PLXNA1: variants seen among roughly 807,000 people sequenced by gnomAD.
PLXNA1 encodes the protein plexin-A1.
In PLXNA1, 77 loss-of-function variants were observed where a neutral mutation model predicts 191.7. The observed-to-expected ratio is 0.40, with a 90% CI of 0.33 to 0.49. The LOEUF is 0.49. PLXNA1 is among the 20% of genes least tolerant of loss of function. PLXNA1 has a pLI of 0.63. For missense variants in PLXNA1, 2,110 were observed against 2,660.2 expected (o/e 0.79, Z 4.55); for synonymous variants, 1,137 against 1,156.4 (o/e 0.98, Z 0.34).
chr3:127,033,458 C>T lies in PLXNA1; in HGVS notation c.5596-464C>T, dbSNP rs986099598. On this transcript the variant is annotated intron_variant, in intron 31 of 31. Coordinates refer to ENST00000393409, the MANE Select transcript of PLXNA1 (RefSeq NM_032242.4). ...AGGCAAGGAACCTTCCCCAGGGTGC[C>T]ACAGGAGGCAGACAGGAGGCAGAGG... 3.3e-5 allele frequency among the ~76,000 whole-genome samples: 5 copies of T among 152,126 alleles called. No homozygotes were observed. The East Asian group carries it at 9.7e-4, about 29-fold the overall frequency.
intron 2 of PLXNA1, 134 bp downstream of exon 2, chr3:126,989,921 C>T (rs373033445): frequency 1.6e-5 from 12 of 765,008 alleles, no homozygotes; most frequent in Admixed American, 5.5e-5. Flanking sequence ...CCCCATGGCT[C>T]AGCTAGGTGG....
intron 3 of PLXNA1, among the ~76,000 whole-genome samples, chr3:126,998,731 G>T (rs1426370166): frequency 6.6e-6 from 1 of 152,222 alleles, no homozygotes; most frequent in Non-Finnish European, 1.5e-5. Context: ...CCTTGCTGAG[G>T]GGTTGCTGCT....
At chr3:126,986,755 C>T (rs917054212) in intron 1 of PLXNA1, among the ~76,000 whole-genome samples, 22 of 152,026 alleles carry the variant, frequency 1.4e-4, no homozygotes, top group African/African-American at 3.9e-4. Flanking sequence ...CTGAGCAGGG[C>T]GGGGAGTGGA....
chr3:127,029,846 C>A, intron 27 of PLXNA1, 28 bp from the exon 28 acceptor site: 2 of 1,567,584 alleles, frequency 1.3e-6, no homozygotes, highest in South Asian at 1.1e-5. Flanking sequence ...TGCCAGCCAA[C>A]GCGGGCGCTG....
chr3:127,001,046 T>C (rs1389525598), intron 3 of PLXNA1, among the ~76,000 whole-genome samples: 2 of 152,092 alleles, frequency 1.3e-5, no homozygotes, highest in African/African-American at 2.4e-5. Flanking sequence ...CGGCTGCAGC[T>C]GTCAGAGCCA....
chr3:126,992,503 C>T (rs2078995662), intron 3 of PLXNA1, among the ~76,000 whole-genome samples: 1 of 152,142 alleles, frequency 6.6e-6, no homozygotes, highest in Non-Finnish European at 1.5e-5. Flanking sequence ...CCCATCTCTG[C>T]CATGGTAGTT....
At chr3:127,008,585 C>T (rs1008503816) in intron 9 of PLXNA1, among the ~76,000 whole-genome samples, 3 of 152,164 alleles carry the variant, frequency 2.0e-5, no homozygotes, top group Admixed American at 6.5e-5. Flanking sequence ...GCCCCCACCC[C>T]CATCCCCACC....
intron 1 of PLXNA1, among the ~76,000 whole-genome samples, chr3:126,984,395 C>A (rs1022711865): frequency 2.5e-4 from 38 of 152,234 alleles, no homozygotes; most frequent in African/African-American, 8.7e-4. Flanking sequence ...TCACACGTAG[C>A]CGGTTTGGGG....
intron 3 of PLXNA1, among the ~76,000 whole-genome samples, chr3:127,001,643 G>A (rs1336106715): frequency 6.6e-6 from 1 of 152,260 alleles, no homozygotes; most frequent in African/African-American, 2.4e-5. Flanking sequence ...CCCAGTCTGT[G>A]TCCTGCCCTC....
At chr3:126,983,625 C>T (rs1216493965) in intron 1 of PLXNA1, among the ~76,000 whole-genome samples, 1 of 148,440 alleles carries the variant, frequency 6.7e-6, no homozygotes, top group Non-Finnish European at 1.5e-5. Context: ...GCCCCCCGGC[C>T]GGGCCCGCCG....
chr3:126,996,589 T>TG (rs779344299), intron 3 of PLXNA1, among the ~76,000 whole-genome samples: 9 of 152,052 alleles, frequency 5.9e-5, no homozygotes, highest in Admixed American at 1.3e-4. Flanking sequence ...GAGCTGGAGC[T>TG]GGGGGGGCAA....
chr3:127,017,899 C>T lies in PLXNA1; in HGVS notation c.3660+7C>T. On this transcript the variant is annotated splice_region_variant and intron_variant, in intron 19 of 31. Coordinates refer to ENST00000393409, the MANE Select transcript of PLXNA1 (RefSeq NM_032242.4). ...TGGGCAGCACAAGGTCACGGTGCGT[C>T]TGTCCACCGGGGGTGCAGAGCTGGG... The T allele has an allele frequency of 1.2e-6, 2 of 1,611,910 alleles. No homozygotes were observed. The highest frequency in any genetic ancestry group is 4.5e-5 in the East Asian group (2 of 44,876).
chr3:126,994,912 C>T (rs1043561514), intron 3 of PLXNA1, among the ~76,000 whole-genome samples: 1 of 152,112 alleles, frequency 6.6e-6, no homozygotes, highest in African/African-American at 2.4e-5. Flanking sequence ...TGGCTGTGCT[C>T]TCAGAGCACA....
chr3:127,026,484 C>G (rs1274394560), intron 23 of PLXNA1: 1 of 152,222 alleles, frequency 6.6e-6, no homozygotes, highest in African/African-American at 2.4e-5. Flanking sequence ...TGGGAACCCT[C>G]GGACAGGTGT....
intron 4 of PLXNA1, among the ~76,000 whole-genome samples, chr3:127,004,143 TC>T (rs1452761767): frequency 1.3e-5 from 2 of 152,218 alleles, no homozygotes; most frequent in African/African-American, 4.8e-5. Flanking sequence ...GGTTCTGCCT[TC>T]CTGGGGACCT....
chr3:126,989,929 TG>T, intron 2 of PLXNA1, 142 bp downstream of exon 2: 1 of 724,358 alleles, frequency 1.4e-6, no homozygotes, highest in Non-Finnish European at 2.3e-6. Flanking sequence ...CTCAGCTAGG[TG>T]GGGCTGCCCT....
In PLXNA1 at chr3:126,989,806, C is replaced by G; in HGVS notation, c.1194+19C>G. The G allele has an allele frequency of 6.3e-7, 1 of 1,578,188 alleles. No individual in the cohort carries two copies. Among genetic ancestry groups the G allele is most frequent in the Non-Finnish European group, 8.6e-7 (1 of 1,157,742 alleles). ...CAACTCGGTGAGTTGGGCAGGGGCG[C>G]CCCTCCTCCCGCGGCCCCATCCCCT... On this transcript the variant is annotated intron_variant, in intron 2 of 31. Coordinates refer to ENST00000393409, the MANE Select transcript of PLXNA1 (RefSeq NM_032242.4).
At chr3:126,992,784 G>T (rs2078997275) in intron 3 of PLXNA1, among the ~76,000 whole-genome samples, 1 of 152,050 alleles carries the variant, frequency 6.6e-6, no homozygotes, top group Admixed American at 6.5e-5. Context: ...CCTGAGTTGG[G>T]TCCTCTGCTG....
Position 127,014,052 on chromosome 3 carries a change from G to T in PLXNA1, c.2346G>T (p.Leu782=), listed in dbSNP as rs2079108627. The T allele has an allele frequency of 1.9e-6, 3 of 1,613,858 alleles. No individual in the cohort carries two copies. The African/African-American group carries it at 4.0e-5, about 22-fold the overall frequency. ...YSYEGNDVSD[L]PVNLSVVWNG... ...ACGAGGGGAACGATGTCAGCGACCTGCCAGTGAACCTGTCAGTCGTGTGGA... is the reference window on the plus strand; with the variant it reads ...ACGAGGGGAACGATGTCAGCGACCTTCCAGTGAACCTGTCAGTCGTGTGGA... Residue 782 remains leucine, a synonymous_variant, in exon 11 of 32, where the codon CTG becomes CTT. Transcript: ENST00000393409.
Sources: gnomAD v4.1 joint callset for allele counts (sites outside exome capture counted in the v4.1 genomes callset) on GRCh38, gnomAD v4.1.1 for gene constraint, MANE v1.5 for transcripts, NCBI Gene and HGNC (gene_info 2026-07-23, HGNC 2026-07-21) for gene names.